Variants in THSD4 observed in about 807,000 individuals in gnomAD.
THSD4 encodes the protein thrombospondin type-1 domain-containing protein 4.
A neutral mutation model predicts 119.0 loss-of-function variants in THSD4; 69 were observed. The observed-to-expected ratio is 0.58, with a 90% CI of 0.48 to 0.71. THSD4 has a LOEUF of 0.71. Ranked by LOEUF, THSD4 falls within the 30% of genes least tolerant of loss-of-function variation. The probability of loss-of-function intolerance (pLI) is 0.00; values close to 1 mark genes in which losing one functional copy is unlikely to be tolerated. For synonymous variants in THSD4, 524 were observed against 540.4 expected (o/e 0.97, Z 0.42); for missense variants, 1,393 against 1,391.1 (o/e 1.00, Z -0.02).
intron 1 of THSD4, among the ~76,000 whole-genome samples, chr15:71,106,431 G>T (rs1246595078): frequency 1.3e-5 from 2 of 152,160 alleles, no homozygotes; most frequent in African/African-American, 4.8e-5. Flanking sequence ...TACCATGGCA[G>T]ATCTGTTGGG....
chr15:71,530,490 GA>G (rs1293335871), intron 7 of THSD4, among the ~76,000 whole-genome samples: 1 of 152,142 alleles, frequency 6.6e-6, no homozygotes, highest in Non-Finnish European at 1.5e-5. Flanking sequence ...TTTTGGGTGT[GA>G]GTTTTTATGA....
At chr15:71,244,880 G>A (rs1364574397) in intron 5 of THSD4, among the ~76,000 whole-genome samples, 1 of 152,168 alleles carries the variant, frequency 6.6e-6, no homozygotes, top group African/African-American at 2.4e-5. Context: ...TGAAGACCAA[G>A]CAAACCATAG....
chr15:71,277,128 C>CTTTTTTTTTTTTTTTTTTTT lies in THSD4; in HGVS notation c.1015+20427_1015+20428insTTTTTTTTTTTTTTTTTTTT, dbSNP rs779207517. 2.8e-3 allele frequency among the ~76,000 whole-genome samples: 349 copies of CTTTTTTTTTTTTTTTTTTTT among 122,910 alleles called. 12 individuals carry two copies. The highest frequency in any genetic ancestry group is 5.4e-3 in the East Asian group (20 of 3,698). The allele number at this position is 122,910 out of a possible 152,430, so 80.6% of individuals were successfully genotyped here. The stretch of plus-strand genomic sequence containing the variant: ...TATTTGTATTTGAATTCTTCTTCTT[C>CTTTTTTTTTTTTTTTTTTTT]TTTTTTTTTTTTTTGAAACGGAGTT... On this transcript the variant is annotated intron_variant, in intron 6 of 17. Transcript: ENST00000261862.
intron 7 of THSD4, among the ~76,000 whole-genome samples, chr15:71,525,857 A>G (rs2048510443): frequency 1.3e-5 from 2 of 152,194 alleles, no homozygotes; most frequent in Non-Finnish European, 2.9e-5. Context: ...ATCCCCAGCT[A>G]CAGACTCACC....
chr15:71,215,519 C>A (rs541329098), intron 4 of THSD4, 120 bp downstream of exon 4: 2 of 1,083,664 alleles, frequency 1.8e-6, no homozygotes, highest in South Asian at 2.0e-5. Flanking sequence ...CATTGCTCTG[C>A]CAGGTGGCAA....
chr15:71,496,621 A>G (rs2015284123), intron 7 of THSD4, among the ~76,000 whole-genome samples: 1 of 152,200 alleles, frequency 6.6e-6, no homozygotes, highest in African/African-American at 2.4e-5. Context: ...GACCTTTCCC[A>G]GAAACTTACC....
chr15:71,507,846 C>G (rs913627016), intron 7 of THSD4, among the ~76,000 whole-genome samples: 9 of 152,126 alleles, frequency 5.9e-5, no homozygotes, highest in African/African-American at 2.2e-4. Context: ...GAGACAAACC[C>G]CATGAAGCTC....
intron 6 of THSD4, among the ~76,000 whole-genome samples, chr15:71,408,981 AGTCCCTTGT>A (rs1566972765): frequency 6.6e-6 from 1 of 152,126 alleles, no homozygotes; most frequent in Non-Finnish European, 1.5e-5. Context: ...TTTGTTAAGA[AGTCCCTTGT>A]CCTCAGGTTT....
At chr15:71,581,453 T>A (rs2049556986) in intron 7 of THSD4, among the ~76,000 whole-genome samples, 1 of 152,194 alleles carries the variant, frequency 6.6e-6, no homozygotes, top group African/African-American at 2.4e-5. Context: ...GGATATATGT[T>A]TTGCAAATAT....
chr15:71,143,319 A>G (rs765894621), intron 2 of THSD4, among the ~76,000 whole-genome samples: 39 of 152,252 alleles, frequency 2.6e-4, no homozygotes, highest in Non-Finnish European at 1.5e-4. Context: ...ATTTCAAGAC[A>G]TGAAATATGC....
At chr15:71,239,258 T>C (rs905277227) in intron 4 of THSD4, among the ~76,000 whole-genome samples, 3 of 152,172 alleles carry the variant, frequency 2.0e-5, no homozygotes, top group Non-Finnish European at 4.4e-5. Context: ...GGGAGGTTCT[T>C]AGGGTGCAAC....
chr15:71,166,994 A>C (rs2043300531), intron 3 of THSD4: 2 of 152,146 alleles, frequency 1.3e-5, no homozygotes, highest in South Asian at 2.1e-4. Context: ...CAATATAATA[A>C]ACGTGTATTT....
intron 7 of THSD4, among the ~76,000 whole-genome samples, chr15:71,449,715 C>G (rs2047236667): frequency 6.6e-6 from 1 of 152,032 alleles, no homozygotes; most frequent in African/African-American, 2.4e-5. Context: ...GTGTTGGGAG[C>G]AAAATGAGAA....
chr15:71,323,696 T>C (rs2045304396), intron 6 of THSD4, among the ~76,000 whole-genome samples: 2 of 152,146 alleles, frequency 1.3e-5, no homozygotes, highest in South Asian at 4.1e-4. Flanking sequence ...TGCCTATATA[T>C]TCCTTTGGCA....
At chr15:71,182,105 A>G (rs959644969) in intron 3 of THSD4, among the ~76,000 whole-genome samples, 2 of 147,160 alleles carry the variant, frequency 1.4e-5, no homozygotes, top group Non-Finnish European at 3.1e-5. Flanking sequence ...TTCCTTCTCT[A>G]TGACACCCTC....
At chr15:71,770,611 C>T (rs571696766) in intron 16 of THSD4, among the ~76,000 whole-genome samples, 4 of 152,134 alleles carry the variant, frequency 2.6e-5, no homozygotes, top group African/African-American at 4.8e-5. Flanking sequence ...GCCGAGATCA[C>T]GCCACTGCAC....
At chr15:71,575,182 A>G (rs1485306753) in intron 7 of THSD4, among the ~76,000 whole-genome samples, 1 of 152,060 alleles carries the variant, frequency 6.6e-6, no homozygotes, top group Non-Finnish European at 1.5e-5. Context: ...GGTTTTTTCA[A>G]TTTTATGGAT....
intron 8 of THSD4, among the ~76,000 whole-genome samples, chr15:71,662,602 C>T (rs925244326): frequency 6.6e-6 from 1 of 152,080 alleles, no homozygotes; most frequent in African/African-American, 2.4e-5. Context: ...TACATTTTCC[C>T]TGGCTATAGT....
At chr15:71,652,187 A>G (rs1291670984) in intron 7 of THSD4, among the ~76,000 whole-genome samples, 1 of 152,208 alleles carries the variant, frequency 6.6e-6, no homozygotes, top group Non-Finnish European at 1.5e-5. Context: ...CCATTCTGCA[A>G]GGAACTTCCT....
Sources: gnomAD v4.1 joint callset for allele counts (sites outside exome capture counted in the v4.1 genomes callset) on GRCh38, gnomAD v4.1.1 for gene constraint, MANE v1.5 for transcripts, NCBI Gene and HGNC (gene_info 2026-07-23, HGNC 2026-07-21) for gene names.